Variants in NLGN1 observed in about 807,000 individuals in gnomAD.
NLGN1 encodes the protein neuroligin 1.
A neutral mutation model predicts 65.5 loss-of-function variants in NLGN1; 12 were observed. The observed-to-expected ratio is 0.18, with a 90% CI of 0.12 to 0.30. The LOEUF is 0.30. NLGN1 is among the 10% of genes least tolerant of loss of function. The pLI, the probability that NLGN1 is intolerant of heterozygous loss-of-function variation, is 1.00. For synonymous variants in NLGN1, 350 were observed against 359.5 expected (o/e 0.97, Z 0.30); for missense variants, 750 against 1,007.1 (o/e 0.74, Z 3.46).
chr3:173,890,031 G>T (rs1735044845), intron 4 of NLGN1, among the ~76,000 whole-genome samples: 2 of 151,918 alleles, frequency 1.3e-5, no homozygotes, highest in Admixed American at 1.3e-4. Flanking sequence ...GTAAAATTAT[G>T]TAAGTTCATT....
intron 4 of NLGN1, among the ~76,000 whole-genome samples, chr3:173,951,665 G>A (rs1560710321): frequency 6.6e-6 from 1 of 151,860 alleles, no homozygotes. Flanking sequence ...GTTTCACCAT[G>A]TTGGTCAGGC....
At position 173,734,096 on chromosome 3, in the gene NLGN1, A is replaced by T. The variant is rs376438951; in HGVS notation, c.494-73584A>T. ...ATACTAAAGCTAATGAAAGTCCTGG[A>T]TGTCTGCTATTCCTGCAGAAATAAT... On this transcript the variant is annotated intron_variant, in intron 3 of 6. Coordinates refer to ENST00000457714, the Ensembl canonical transcript of NLGN1. Among the ~76,000 whole-genome samples the T allele has an allele frequency of 4.1e-4, 63 of 152,244 alleles. No individual in the cohort carries two copies. The South Asian group carries it at 0.013, about 32-fold the overall frequency.
At position 173,641,422 on chromosome 3, in the gene NLGN1, AT is replaced by A. The variant is rs1757405829; in HGVS notation, c.493+36332del. On this transcript the variant is annotated intron_variant, in intron 3 of 6. Transcript: ENST00000457714. ...CTATTCTCCTGCCTCAGCTTCTCAA[AT>A]AGCTGGGATTACAGGCGTGTGTGCC... Among the ~76,000 whole-genome samples, 5 of 152,216 alleles carry A rather than the reference AT, an allele frequency of 3.3e-5. No individual in the cohort carries two copies. In the Middle Eastern group the frequency reaches 0.017, roughly 518 times the overall value.
chr3:174,180,072 G>GC (rs1413690404), intron 4 of NLGN1, among the ~76,000 whole-genome samples: 3 of 152,062 alleles, frequency 2.0e-5, no homozygotes, highest in Non-Finnish European at 4.4e-5. Flanking sequence ...CACTATTTAT[G>GC]CCCCTAGCTG....
At chr3:173,622,146 T>G (rs1290236524) in intron 3 of NLGN1, among the ~76,000 whole-genome samples, 2 of 152,148 alleles carry the variant, frequency 1.3e-5, no homozygotes, top group Non-Finnish European at 2.9e-5. Flanking sequence ...ATCCTTTCTT[T>G]TTAAAGGCTA....
At position 174,016,730 on chromosome 3, in the gene NLGN1, T is replaced by C. The variant is rs184040066; in HGVS notation, c.646+208898T>C. Reference sequence around the variant, plus strand: ...AATATTTTCATTCTCTATTTTTGTATTAAAAGTAATACAAAGAATATCTTA... The same window carrying C: ...AATATTTTCATTCTCTATTTTTGTACTAAAAGTAATACAAAGAATATCTTA... On this transcript the variant is annotated intron_variant, in intron 4 of 6. Coordinates refer to ENST00000457714, the Ensembl canonical transcript of NLGN1. Among the ~76,000 whole-genome samples the C allele has an allele frequency of 2.4e-3, 359 of 152,256 alleles. 1 individual carries two copies. Among genetic ancestry groups the C allele is most frequent in the Non-Finnish European group, 4.4e-3 (296 of 68,002 alleles).
chr3:173,951,828 T>C (rs1258804445), intron 4 of NLGN1, among the ~76,000 whole-genome samples: 2 of 152,166 alleles, frequency 1.3e-5, no homozygotes, highest in Non-Finnish European at 2.9e-5. Flanking sequence ...AATAGTAAAA[T>C]CAACATTTCA....
intron 4 of NLGN1, among the ~76,000 whole-genome samples, chr3:174,220,514 G>A (rs978384488): frequency 2.6e-5 from 4 of 152,084 alleles, no homozygotes; most frequent in African/African-American, 9.7e-5. Context: ...ACACATACTT[G>A]AAGACAAATT....
chr3:173,830,953 A>G (rs938587351), intron 4 of NLGN1, among the ~76,000 whole-genome samples: 2 of 152,226 alleles, frequency 1.3e-5, no homozygotes, highest in Non-Finnish European at 2.9e-5. Context: ...ACATCAATGA[A>G]GAATACACTT....
chr3:174,240,991 G>A (rs904372363), intron 4 of NLGN1, among the ~76,000 whole-genome samples: 42 of 152,066 alleles, frequency 2.8e-4, no homozygotes, highest in African/African-American at 9.9e-4. Context: ...CTTTACCATT[G>A]AGATGGCCTC....
chr3:173,602,760 G>A (rs927163994), intron 2 of NLGN1, among the ~76,000 whole-genome samples: 2 of 151,948 alleles, frequency 1.3e-5, no homozygotes, highest in Non-Finnish European at 2.9e-5. Context: ...ACACCAAAAG[G>A]AACTTGCAAA....
chr3:173,807,264 T>C (rs574158506), intron 3 of NLGN1, among the ~76,000 whole-genome samples: 2 of 152,260 alleles, frequency 1.3e-5, no homozygotes, highest in East Asian at 3.9e-4. Context: ...ATTCTTTTGT[T>C]CACAACAGCA....
At chr3:173,696,562 T>C (rs891269650) in intron 3 of NLGN1, among the ~76,000 whole-genome samples, 1 of 152,152 alleles carries the variant, frequency 6.6e-6, no homozygotes, top group African/African-American at 2.4e-5. Flanking sequence ...AGTTATATGG[T>C]AAGCATCGTT....
chr3:173,612,892 G>A (rs1267531367), intron 3 of NLGN1, among the ~76,000 whole-genome samples: 1 of 152,056 alleles, frequency 6.6e-6, no homozygotes, highest in African/African-American at 2.4e-5. Context: ...ATCAATGGCT[G>A]TCTTCTCCCT....
intron 4 of NLGN1, among the ~76,000 whole-genome samples, chr3:173,982,528 C>T (rs557093169): frequency 8.6e-5 from 13 of 152,022 alleles, no homozygotes; most frequent in African/African-American, 2.9e-4. Context: ...GAGTATATCA[C>T]GGACGTAATA....
intron 4 of NLGN1, among the ~76,000 whole-genome samples, chr3:173,994,158 AGTGCAGTGGC>A (rs1177231640): frequency 6.6e-6 from 1 of 152,114 alleles, no homozygotes; most frequent in African/African-American, 2.4e-5. Context: ...CCCAGGTTGG[AGTGCAGTGGC>A]GTGATCACAA....
At chr3:173,968,844 G>T (rs1355235522) in intron 4 of NLGN1, among the ~76,000 whole-genome samples, 1 of 151,430 alleles carries the variant, frequency 6.6e-6, no homozygotes, top group Non-Finnish European at 1.5e-5. Context: ...GATTACAGAT[G>T]CATGTGCCAC....
chr3:173,567,467 C>G (rs761533946), intron 2 of NLGN1, among the ~76,000 whole-genome samples: 4 of 151,728 alleles, frequency 2.6e-5, no homozygotes, highest in Non-Finnish European at 4.4e-5. Context: ...TACACTCATT[C>G]AAAAAATAAC....
chr3:173,854,439 G>T (rs1383515511), intron 4 of NLGN1, among the ~76,000 whole-genome samples: 3 of 152,012 alleles, frequency 2.0e-5, no homozygotes, highest in Admixed American at 2.0e-4. Context: ...GGTTATGTAA[G>T]TATGAATCTA....
Sources: gnomAD v4.1 joint callset for allele counts (sites outside exome capture counted in the v4.1 genomes callset) on GRCh38, gnomAD v4.1.1 for gene constraint, MANE v1.5 for transcripts, NCBI Gene and HGNC (gene_info 2026-07-23, HGNC 2026-07-21) for gene names.